NOM1: variants seen among roughly 807,000 people sequenced by gnomAD.
The protein encoded by NOM1 is nucleolar protein with MIF4G domain 1.
In NOM1, 58 loss-of-function variants were observed where a neutral mutation model predicts 73.3. The observed-to-expected ratio is 0.79, with a 90% confidence interval of 0.64 to 0.99. The LOEUF (loss-of-function observed/expected upper bound fraction) is 0.99, where lower values mean the gene tolerates loss of function less well. Ranked by LOEUF, NOM1 falls within the 50% of genes least tolerant of loss-of-function variation. The pLI is 0.00. For synonymous variants in NOM1, 487 were observed against 446.8 expected, an observed-to-expected ratio of 1.09 and a Z score of -1.14; for missense variants, 1,226 against 1,131.9, an observed-to-expected ratio of 1.08 and a Z score of -1.19.
At position 156,967,018 on chromosome 7, in the gene NOM1, A is replaced by C; in HGVS notation, c.2224A>C (p.Thr742Pro). 5 of 1,613,888 alleles carry C rather than the reference A, an allele frequency of 3.1e-6. No individual in the cohort carries two copies. Among genetic ancestry groups the C allele is most frequent in the Non-Finnish European group, 4.2e-6 (5 of 1,179,980 alleles). The change falls in exon 9 of 11, where the codon ACG becomes CCG. Residue 742 changes from threonine to proline, a missense_variant. Transcript: ENST00000275820. Reference sequence around the variant, plus strand: ...TCGGGACTTGGAAAACTTGCCAGCTACGAATTTCTCTAATTTGGTTCATCT... The same window carrying C: ...TCGGGACTTGGAAAACTTGCCAGCTCCGAATTTCTCTAATTTGGTTCATCT... ...KFRDLENLPA[T>P]NFSNLVHLVA...
chr7:156,956,385 C>T (rs539227474), intron 3 of NOM1, among the ~76,000 whole-genome samples: 1 of 152,204 alleles, frequency 6.6e-6, no homozygotes, highest in Admixed American at 6.5e-5. Flanking sequence ...TTAAGGTCAA[C>T]GAGTTAGTTC....
intron 9 of NOM1, among the ~76,000 whole-genome samples, chr7:156,968,090 G>A (rs1234047959): frequency 2.0e-5 from 3 of 152,214 alleles, no homozygotes; most frequent in Non-Finnish European, 2.9e-5. Flanking sequence ...GTCCCTTGCT[G>A]TGTGGTGTCC....
rs1468577538 is a variant in NOM1, at chr7:156,973,067, A to G, written c.*3364A>G. ...TTTACAATGCAGGTTGAGAACTGCT[A>G]ATGTATAGAATGACTAAACAGCTGT... On this transcript the variant is annotated 3_prime_UTR_variant, in exon 11 of 11. Transcript: ENST00000275820. 1.3e-5 allele frequency: 2 copies of G among 151,086 alleles called. No homozygotes were observed. The highest frequency in any genetic ancestry group is 2.9e-5 in the Non-Finnish European group (2 of 67,892). 9.4% of individuals were successfully genotyped at this position (151,086 alleles called of 1,614,324 possible).
intron 4 of NOM1, among the ~76,000 whole-genome samples, chr7:156,960,441 G>T (rs1321320072): frequency 2.0e-5 from 3 of 152,168 alleles, no homozygotes; most frequent in African/African-American, 7.2e-5. Flanking sequence ...GGGGCTCTAG[G>T]GTCAGCCTGG....
chr7:156,963,747 C>G (rs1274623454), intron 6 of NOM1, 158 bp from the exon 7 acceptor site: 2 of 719,598 alleles, frequency 2.8e-6, no homozygotes, highest in African/African-American at 3.6e-5. Flanking sequence ...ATGTGTTCCC[C>G]TTGCACAGAG....
At chr7:156,967,610 T>C (rs1027768495) in intron 9 of NOM1, among the ~76,000 whole-genome samples, 4 of 152,180 alleles carry the variant, frequency 2.6e-5, no homozygotes, top group Non-Finnish European at 5.9e-5. Flanking sequence ...CTGCAACCTC[T>C]GCCTCCGGGA....
chr7:156,961,481 G>C (rs1446311083), intron 4 of NOM1, among the ~76,000 whole-genome samples: 2 of 152,150 alleles, frequency 1.3e-5, no homozygotes, highest in Non-Finnish European at 2.9e-5. Flanking sequence ...GGAGCTGGCT[G>C]GGGAGTTGGG....
Position 156,960,088 on chromosome 7 carries a change from G to A in NOM1, c.1546G>A (p.Asp516Asn). The A allele has an allele frequency of 1.2e-6, 2 of 1,614,186 alleles. No individual in the cohort carries two copies. The highest frequency in any genetic ancestry group is 1.3e-5 in the African/African-American group (1 of 75,048). The change falls in exon 4 of 11, where the codon GAT becomes AAT. Residue 516 changes from aspartate to asparagine, a missense_variant. Coordinates refer to ENST00000275820, the MANE Select transcript of NOM1 (RefSeq NM_138400.2). The part of the protein sequence containing the change: ...LKNVGFSLRK[D>N]DALSLKELIT... ...AAACGTGGGTTTTTCATTGAGGAAA[G>A]ATGATGCTTTATCACTTAAGGAATT...
At chr7:156,964,050 G>T in intron 7 of NOM1, 24 bp downstream of exon 7, 2 of 1,606,264 alleles carry the variant, frequency 1.2e-6, no homozygotes, top group South Asian at 2.2e-5. Context: ...TGCACATTTT[G>T]ACCTATTAAT....
intron 2 of NOM1, among the ~76,000 whole-genome samples, chr7:156,952,900 G>C (rs1410468269): frequency 6.6e-6 from 1 of 152,220 alleles, no homozygotes; most frequent in Non-Finnish European, 1.5e-5. Context: ...GTGTTGGAAG[G>C]ACTGGCTTAT....
At chr7:156,956,062 G>A (rs184218520) in intron 3 of NOM1, among the ~76,000 whole-genome samples, 21 of 152,158 alleles carry the variant, frequency 1.4e-4, no homozygotes, top group East Asian at 9.7e-4. Context: ...GCATGGTGGC[G>A]GGCGCCTGAA....
Position 156,954,108 on chromosome 7 carries a change from G to A in NOM1, c.1118G>A (p.Ser373Asn). 6.2e-7 allele frequency: 1 copy of A among 1,606,420 alleles called. No individual in the cohort carries two copies. Among genetic ancestry groups the A allele is most frequent in the Non-Finnish European group, 8.5e-7 (1 of 1,177,820 alleles). Reference protein sequence around the residue: ...KHVKGLLNRLSEPNMASISGQ... With the variant: ...KHVKGLLNRLNEPNMASISGQ... ...GTCTTTACAATTCTCTGCAGGTTGAGTGAACCCAACATGGCTTCCATCAGT... is the reference window on the plus strand; with the variant it reads ...GTCTTTACAATTCTCTGCAGGTTGAATGAACCCAACATGGCTTCCATCAGT... The change falls in exon 3 of 11, where the codon AGT (serine) becomes AAT (asparagine). Residue 373 changes from serine to asparagine, a missense_variant. By Grantham distance (46) the Ser-to-Asn change is conservative. Coordinates refer to ENST00000275820, the MANE Select transcript of NOM1 (RefSeq NM_138400.2).
intron 6 of NOM1, chr7:156,963,442 G>T: frequency 1.9e-6 from 1 of 517,486 alleles, no homozygotes; most frequent in Admixed American, 3.2e-5. Flanking sequence ...GAACGCTCAC[G>T]GGGCAGGAGT....
In NOM1 at chr7:156,949,808, G is replaced by T; in HGVS notation, c.71G>T (p.Arg24Leu). 1 of 1,442,212 alleles carries T rather than the reference G, an allele frequency of 6.9e-7. No homozygotes were observed. 89.3% of individuals were successfully genotyped at this position (1,442,212 alleles called of 1,614,324 possible). Residue 24 changes from arginine to leucine, a missense_variant, in exon 1 of 11, where the codon CGC becomes CTC. By Grantham distance (102) the Arg-to-Leu change is moderately radical (BLOSUM62 -2). Transcript: ENST00000275820. ...CAGGGACGCGTGGTCCGCATGAAGC[G>T]CAGAGGCGGGCGCGGGCCGCGCCGC... ...GSQGRVVRMK[R>L]RGGRGPRRGP...
intron 9 of NOM1, 56 bp downstream of exon 9, chr7:156,967,148 A>T: frequency 6.4e-7 from 1 of 1,572,886 alleles, no homozygotes; most frequent in Non-Finnish European, 8.6e-7. Context: ...GTAATTGTTT[A>T]GTACCTGGTA....
chr7:156,966,932 C>T (rs759717825), intron 8 of NOM1, 29 bp from the exon 9 acceptor site: 6 of 1,584,636 alleles, frequency 3.8e-6, no homozygotes, highest in South Asian at 3.5e-5. Flanking sequence ...GGCCGTTTGC[C>T]TTTTTTCTCC....
At chr7:156,953,980 G>A in intron 2 of NOM1, 123 bp from the exon 3 acceptor site, 1 of 749,746 alleles carries the variant, frequency 1.3e-6, no homozygotes, top group East Asian at 2.8e-5. Flanking sequence ...TAGTTAAGGG[G>A]TCAAAAGTGT....
Position 156,950,061 on chromosome 7 carries a change from C to T in NOM1, c.324C>T (p.Pro108=), listed in dbSNP as rs1804538853. ...LQRTAGPEQG[P]GLGGRSGAEE... is the part of the protein sequence containing the mutation. ...GGACGGCGGGCCCCGAACAGGGTCC[C>T]GGCCTGGGAGGCCGAAGCGGAGCCG... The change falls in exon 1 of 11, where the codon CCC becomes CCT. Residue 108 remains proline, a synonymous_variant. Transcript: ENST00000275820. The T allele has an allele frequency of 1.3e-6, 2 of 1,543,730 alleles. No individual in the cohort carries two copies. The highest frequency in any genetic ancestry group is 2.4e-5 in the East Asian group (1 of 40,904).
chr7:156,950,498 A>G lies in NOM1; in HGVS notation c.761A>G (p.Asp254Gly). 1.2e-6 allele frequency: 2 copies of G among 1,613,864 alleles called. No individual in the cohort carries two copies. Among genetic ancestry groups the G allele is most frequent in the Non-Finnish European group, 1.7e-6 (2 of 1,179,870 alleles). The part of the protein sequence containing the change: ...QTLPESDLES[D>G]SQDESEEEEE... ...CTCCCCGAAAGTGACTTAGAGAGTG[A>G]CTCCCAGGACGAAAGTGAGGAGGAG... The change falls in exon 1 of 11, where the codon GAC becomes GGC. Residue 254 changes from aspartate to glycine, a missense_variant. Coordinates refer to ENST00000275820, the MANE Select transcript of NOM1 (RefSeq NM_138400.2).
Sources: gnomAD v4.1 joint callset for allele counts (sites outside exome capture counted in the v4.1 genomes callset) on GRCh38, gnomAD v4.1.1 for gene constraint, MANE v1.5 for transcripts, NCBI Gene and HGNC (gene_info 2026-07-23, HGNC 2026-07-21) for gene names.